The following PNPLA7 variants were observed in gnomAD, a reference collection of about 807,000 sequenced individuals.
PNPLA7 encodes the protein patatin-like phospholipase domain-containing protein 7.
In PNPLA7, 153 loss-of-function variants were observed where a neutral mutation model predicts 161.7. That is an observed-to-expected ratio of 0.95 (90% CI 0.83 to 1.08). The LOEUF (loss-of-function observed/expected upper bound fraction) is 1.08. Ranked by LOEUF, PNPLA7 falls within the 50% of genes least tolerant of loss-of-function variation. PNPLA7 has a pLI of 0.00. For missense variants in PNPLA7, 1,739 were observed against 1,856.6 expected (o/e 0.94, Z 1.16); for synonymous variants, 809 against 782.1 (o/e 1.03, Z -0.57).
Position 137,547,037 on chromosome 9 carries a change from G to A in PNPLA7, c.194-128C>T. 3.4e-6 allele frequency: 3 copies of A among 884,146 alleles called. No homozygotes were observed. 54.8% of individuals were successfully genotyped at this position (884,146 alleles called of 1,614,324 possible). ...AACTGGCCATACTCAGACAGCATGA[G>A]GGAAGAGGGCCTGAGTGACAGGCTC... On this transcript the variant is annotated intron_variant, in intron 3 of 34. Transcript: ENST00000406427. The surrounding 1 kb of genome is among the most constrained non-coding windows in gnomAD (Gnocchi z 4.6).
intron 1 of PNPLA7, among the ~76,000 whole-genome samples, chr9:137,548,482 G>C (rs1219161723): frequency 6.6e-6 from 1 of 152,226 alleles, no homozygotes; most frequent in Non-Finnish European, 1.5e-5. Context: ...GGGCGCAGTG[G>C]CTCACGCCTG....
intron 12 of PNPLA7, chr9:137,509,495 G>A (rs1373762030): frequency 3.9e-6 from 1 of 257,142 alleles, no homozygotes; most frequent in Non-Finnish European, 8.2e-6. Context: ...AGTGAGTTTA[G>A]CCGGCGTGAG....
rs772378332 is a variant in PNPLA7 at position 137,547,435 on chromosome 9, C to T, written c.106-39G>A. ...GAAACACGGCGCCCATCAGCAAAGC[C>T]ACAAACCTAACCCTAGCCCTAAGCC... On this transcript the variant is annotated intron_variant, in intron 2 of 34. Transcript: ENST00000406427. This position sits in a 1 kb window ranked among gnomAD's most constrained non-coding sequence, Gnocchi z 4.6. 6.2e-7 allele frequency: 1 copy of T among 1,610,568 alleles called. No individual in the cohort carries two copies. The highest frequency in any genetic ancestry group is 8.5e-7 in the Non-Finnish European group (1 of 1,177,604).
rs551158702 is a variant in PNPLA7, at chr9:137,482,750, G to A, written c.2348-1727C>T. On this transcript the variant is annotated intron_variant, in intron 21 of 34. Coordinates refer to ENST00000406427, the MANE Select transcript of PNPLA7 (RefSeq NM_001098537.3). ...CAGATGGCGTAAACGCCAACGTCCC[G>A]GCCTCGATGTTACCCCCTAAGGCGC... 6.6e-5 allele frequency among the ~76,000 whole-genome samples: 10 copies of A among 152,380 alleles called. No individual in the cohort carries two copies. The East Asian group carries it at 1.5e-3, about 23-fold the overall frequency.
In PNPLA7 at chr9:137,480,982, G is replaced by T. The variant is rs1430691363; in HGVS notation, c.2389C>A (p.Leu797Ile). The T allele has an allele frequency of 2.6e-6, 4 of 1,551,630 alleles. No homozygotes were observed. The highest frequency in any genetic ancestry group is 4.9e-5 in the East Asian group (2 of 40,912). Residue 797 changes from leucine to isoleucine, a missense_variant, in exon 22 of 35, where the codon CTT becomes ATT. Around this residue, in one of 6 missense-constraint regions of PNPLA7, gnomAD observed 192 missense variants for 249.5 expected, o/e 0.77. Coordinates refer to ENST00000406427, the MANE Select transcript of PNPLA7 (RefSeq NM_001098537.3). ...CACCTGTCCAGGGCAGCGGAGCCAAGGCGCCGTTTTATGTTGTCACTAGTC... is the reference window on the plus strand; with the variant it reads ...CACCTGTCCAGGGCAGCGGAGCCAATGCGCCGTTTTATGTTGTCACTAGTC... Reference protein sequence around the residue: ...LLTSDNIKRRLGSAALDSVHE... With the variant: ...LLTSDNIKRRIGSAALDSVHE...
intron 8 of PNPLA7, among the ~76,000 whole-genome samples, chr9:137,526,523 C>T (rs193130811): frequency 3.2e-4 from 49 of 152,218 alleles, no homozygotes; most frequent in Non-Finnish European, 6.0e-4. Flanking sequence ...ATGATCCACC[C>T]GCCTCAGCCT....
intron 8 of PNPLA7, among the ~76,000 whole-genome samples, chr9:137,539,771 A>G (rs898092168): frequency 2.0e-5 from 3 of 152,112 alleles, no homozygotes; most frequent in African/African-American, 7.2e-5. Flanking sequence ...AACATGATAC[A>G]TGATTTTTTG....
chr9:137,536,766 C>T (rs1241068048), intron 8 of PNPLA7, among the ~76,000 whole-genome samples: 2 of 151,396 alleles, frequency 1.3e-5, no homozygotes, highest in Non-Finnish European at 3.0e-5. Flanking sequence ...ACTTCATCTC[C>T]CATGACAGGA....
At chr9:137,518,601 G>A (rs1439244276) in intron 11 of PNPLA7, among the ~76,000 whole-genome samples, 4 of 48,988 alleles carry the variant, frequency 8.2e-5, no homozygotes, top group Admixed American at 2.5e-4. Context: ...ACTCCACTCT[G>A]TCCACTCCAT....
At chr9:137,515,032 A>T (rs917604887) in intron 12 of PNPLA7, among the ~76,000 whole-genome samples, 6 of 152,062 alleles carry the variant, frequency 3.9e-5, no homozygotes, top group Non-Finnish European at 8.8e-5. Flanking sequence ...GAGGCTTGCT[A>T]GAGACCCGGG....
chr9:137,470,348 T>G (rs1250001963), intron 25 of PNPLA7, among the ~76,000 whole-genome samples: 1 of 152,152 alleles, frequency 6.6e-6, no homozygotes, highest in East Asian at 1.9e-4. Context: ...TTTGTTTTAT[T>G]TATTCCTTAT....
chr9:137,462,226 TG>T lies in PNPLA7; in HGVS notation c.3597del (p.Ile1200SerfsTer148), dbSNP rs761459630. ...AAGTCCAGGGTGCTGTAGCTGTCGA[TG>T]GGGGGGCGCAGGTACTCGCAGTAGT... ...SSDYCEYLRP[P>X]IDSYSTLDFG... On this transcript the variant is annotated frameshift_variant, in exon 31 of 35. Coordinates refer to ENST00000406427, the MANE Select transcript of PNPLA7 (RefSeq NM_001098537.3). LOFTEE classifies it high-confidence loss of function. 9.3e-6 allele frequency: 15 copies of T among 1,604,794 alleles called. No homozygotes were observed. The highest frequency in any genetic ancestry group is 1.7e-4 in the Middle Eastern group (1 of 6,042).
At chr9:137,532,118 A>G (rs1174123446) in intron 8 of PNPLA7, among the ~76,000 whole-genome samples, 1 of 152,236 alleles carries the variant, frequency 6.6e-6, no homozygotes, top group Non-Finnish European at 1.5e-5. Context: ...AAAAATTAAA[A>G]TAATAAAGAC....
At chr9:137,478,784 T>C (rs2132133948) in intron 24 of PNPLA7, 2 of 399,226 alleles carry the variant, frequency 5.0e-6, no homozygotes, top group Non-Finnish European at 9.0e-6. Context: ...CTGAGCCCCC[T>C]GATTCAGGCC....
At chr9:137,484,018 C>T (rs979413622) in intron 21 of PNPLA7, among the ~76,000 whole-genome samples, 13 of 152,166 alleles carry the variant, frequency 8.5e-5, no homozygotes, top group Non-Finnish European at 1.6e-4. Context: ...TCACTGCAAC[C>T]TCTATCTCCC....
chr9:137,503,733 AGGGG>A (rs1833662758), intron 14 of PNPLA7, among the ~76,000 whole-genome samples: 2 of 146,060 alleles, frequency 1.4e-5, no homozygotes, highest in African/African-American at 5.2e-5. Flanking sequence ...AGAAAGGGGA[AGGGG>A]AAGGAAGAAG....
chr9:137,461,850 CTGA>C (rs1831216635), intron 32 of PNPLA7, 78 bp downstream of exon 32: 8 of 1,413,306 alleles, frequency 5.7e-6, no homozygotes, highest in Non-Finnish European at 7.6e-6. Flanking sequence ...TGGGCGTGGC[CTGA>C]TGAACTGGGC....
chr9:137,495,920 A>C (rs1833030258), intron 18 of PNPLA7, among the ~76,000 whole-genome samples: 1 of 152,074 alleles, frequency 6.6e-6, no homozygotes, highest in Non-Finnish European at 1.5e-5. Flanking sequence ...GAGCCATCGG[A>C]GCGCGGGACT....
intron 8 of PNPLA7, among the ~76,000 whole-genome samples, chr9:137,538,834 T>C (rs550007780): frequency 7.9e-5 from 12 of 152,158 alleles, no homozygotes; most frequent in African/African-American, 2.9e-4. Context: ...GGTGGCTCAC[T>C]TGAGGTCAGG....
Sources: allele counts gnomAD v4.1 joint callset (sites outside exome capture counted in the v4.1 genomes callset), GRCh38; gene constraint gnomAD v4.1.1; regional missense constraint gnomAD v4.1.1; non-coding constraint Gnocchi (gnomAD v3.1); transcripts MANE v1.5; gene names NCBI Gene and HGNC (gene_info 2026-07-23, HGNC 2026-07-21).